The following BTD variants were observed in gnomAD, a reference collection of about 807,000 sequenced individuals.
BTD encodes biotinidase, also known as biocytinase.
BTD carries 13 observed loss-of-function variants against 17.7 expected under a neutral mutation model. The observed-to-expected ratio is 0.74, with a 90% CI of 0.48 to 1.17. The LOEUF (loss-of-function observed/expected upper bound fraction) is 1.17. Among genes scored for constraint, BTD ranks in the 50% most tolerant of loss-of-function variants. The pLI is 0.00. For synonymous variants in BTD, 240 were observed against 245.2 expected (o/e 0.98, Z 0.20); for missense variants, 674 against 650.4 (o/e 1.04, Z -0.39).
intron 1 of BTD, among the ~76,000 whole-genome samples, chr3:15,612,600 T>C (rs2064668294): frequency 6.6e-6 from 1 of 152,162 alleles, no homozygotes; most frequent in African/African-American, 2.4e-5. Context: ...TTCTGTTCCT[T>C]TCTTTCTTGA....
At chr3:15,677,744 T>A (rs2067093572) in intron 3 of BTD, 3 of 462,948 alleles carry the variant, frequency 6.5e-6, no homozygotes, top group Middle Eastern at 5.7e-4. Context: ...GACAATTATA[T>A]TGTTGTATAA....
At chr3:15,609,084 A>G (rs1376489175) in intron 1 of BTD, among the ~76,000 whole-genome samples, 2 of 152,246 alleles carry the variant, frequency 1.3e-5, no homozygotes, top group Non-Finnish European at 2.9e-5. Flanking sequence ...CTTCATGATG[A>G]ACTTAAGCCC....
At chr3:15,608,919 A>G (rs113099602) in intron 1 of BTD, among the ~76,000 whole-genome samples, 214 of 152,326 alleles carry the variant, frequency 1.4e-3, no homozygotes, top group African/African-American at 5.0e-3. Flanking sequence ...TTCTGCCATT[A>G]GCATTCATTA....
At chr3:15,685,551 T>C in intron 3 of BTD, 1 of 952,538 alleles carries the variant, frequency 1.0e-6, no homozygotes, top group Admixed American at 2.4e-5. Context: ...TATCCTTCCA[T>C]CAATTAAAGC....
chr3:15,676,616 G>A (rs2066964745), intron 3 of BTD: 1 of 180,780 alleles, frequency 5.5e-6, no homozygotes, highest in Non-Finnish European at 1.2e-5. Context: ...TTGGCTTACA[G>A]ACACACATAA....
Position 15,645,795 on chromosome 3 carries a change from G to T in BTD, c.*307G>T. ...GTCTCAAGCTAAAACAAAAATAAAT[G>T]TCAGTTTATATTTTACACATCCACA... On this transcript the variant is annotated 3_prime_UTR_variant, in exon 4 of 4. Transcript: ENST00000643237. 1.1e-5 allele frequency: 3 copies of T among 278,898 alleles called. No homozygotes were observed. The highest frequency in any genetic ancestry group is 1.3e-4 in the South Asian group (2 of 14,960). The allele number at this position is 278,898 out of a possible 1,614,324, so 17.3% of individuals were successfully genotyped here.
At chr3:15,666,471 TAA>T (rs1304428348) in intron 3 of BTD, among the ~76,000 whole-genome samples, 5 of 152,212 alleles carry the variant, frequency 3.3e-5, no homozygotes, top group African/African-American at 1.2e-4. Flanking sequence ...TTGTGTGGGT[TAA>T]GAGATAATTT....
chr3:15,620,888 G>A (rs1047550791), intron 1 of BTD, among the ~76,000 whole-genome samples: 11 of 152,192 alleles, frequency 7.2e-5, no homozygotes, highest in Admixed American at 6.5e-4. Flanking sequence ...TATGGAGGCT[G>A]AAAAGTCCAA....
At chr3:15,631,105 G>A (rs2065193425) in intron 1 of BTD, among the ~76,000 whole-genome samples, 1 of 152,204 alleles carries the variant, frequency 6.6e-6, no homozygotes, top group East Asian at 1.9e-4. Context: ...CGAAATTCAT[G>A]AGAATAATTT....
chr3:15,690,449 T>C (rs1046232670), intron 3 of BTD, among the ~76,000 whole-genome samples: 19 of 152,212 alleles, frequency 1.2e-4, no homozygotes, highest in African/African-American at 4.6e-4. Context: ...CAAGTTCAAA[T>C]GACAGGTCAT....
At chr3:15,662,771 A>ACAC (rs2065937529) in intron 3 of BTD, among the ~76,000 whole-genome samples, 1 of 151,510 alleles carries the variant, frequency 6.6e-6, no homozygotes, top group Non-Finnish European at 1.5e-5. Flanking sequence ...AGCAGCTGGA[A>ACAC]CTATAGGTGT....
At chr3:15,690,132 A>G in intron 3 of BTD, 1 of 1,610,682 alleles carries the variant, frequency 6.2e-7, no homozygotes, top group Non-Finnish European at 8.5e-7. Context: ...TGCAAGATCT[A>G]GGGGTGTTCT....
intron 1 of BTD, chr3:15,602,266 C>T: frequency 8.1e-7 from 1 of 1,241,562 alleles, no homozygotes; most frequent in Non-Finnish European, 1.0e-6. Context: ...TTCCTACCCA[C>T]TATTCAGCCA....
chr3:15,691,227 G>A (rs1045375428), intron 3 of BTD, among the ~76,000 whole-genome samples: 2 of 151,794 alleles, frequency 1.3e-5, no homozygotes, highest in African/African-American at 4.8e-5. Context: ...GGGTTCAAGC[G>A]ATTCTCCTGT....
chr3:15,700,684 G>A (rs2070445860), intron 3 of BTD, among the ~76,000 whole-genome samples: 1 of 152,176 alleles, frequency 6.6e-6, no homozygotes, highest in Admixed American at 6.5e-5. Context: ...TGAGGCAGGA[G>A]AATTGCTTGA....
At chr3:15,712,991 C>G (rs1163658821), downstream of BTD, among the ~76,000 whole-genome samples, 1 of 152,142 alleles carries the variant, frequency 6.6e-6, no homozygotes, top group African/African-American at 2.4e-5. Context: ...TATGGTGTTT[C>G]TTGCAGAGCA....
At chr3:15,686,600 T>G (rs1317777366) in intron 3 of BTD, 1 of 416,080 alleles carries the variant, frequency 2.4e-6, no homozygotes, top group Non-Finnish European at 4.4e-6. Flanking sequence ...TCTGGCAATG[T>G]GGTCAGGAAG....
chr3:15,643,046 A>AAAG (rs766395619), intron 3 of BTD, among the ~76,000 whole-genome samples: 1 of 66,202 alleles, frequency 1.5e-5, no homozygotes. Flanking sequence ...AAAAAAAAAT[A>AAAG]AAATAAAATA....
intron 3 of BTD, chr3:15,709,712 CAGA>C (rs2071965587): frequency 6.3e-7 from 1 of 1,579,534 alleles, no homozygotes; most frequent in South Asian, 1.2e-5. Flanking sequence ...CAGTATTCAG[CAGA>C]AGGTTTAGGC....
Sources: allele counts gnomAD v4.1 joint callset (sites outside exome capture counted in the v4.1 genomes callset), GRCh38; gene constraint gnomAD v4.1.1; transcripts MANE v1.5; gene names NCBI Gene and HGNC (gene_info 2026-07-23, HGNC 2026-07-21).